YAE1: variants seen among roughly 807,000 people sequenced by gnomAD.
The protein encoded by YAE1 is YAE1 maturation factor of ABCE1.
Under a neutral mutation model 23.0 loss-of-function variants are expected in YAE1, and 22 were observed. The observed-to-expected ratio is 0.96, with a 90% CI of 0.68 to 1.37. The LOEUF (loss-of-function observed/expected upper bound fraction) is 1.37. Among genes scored for constraint, YAE1 ranks in the 40% most tolerant of loss-of-function variants. The pLI is 0.00. For missense variants in YAE1, 260 were observed against 262.1 expected (o/e 0.99, Z 0.06); for synonymous variants, 101 against 97.0 (o/e 1.04, Z -0.24).
At chr7:39,590,716 C>T (rs1790890270) in intron 2 of YAE1, among the ~76,000 whole-genome samples, 1 of 152,192 alleles carries the variant, frequency 6.6e-6, no homozygotes. Context: ...CCACCCATCA[C>T]ATGAAGTCAG....
At chr7:39,588,229 G>A (rs185097612) in intron 2 of YAE1, among the ~76,000 whole-genome samples, 36 of 152,280 alleles carry the variant, frequency 2.4e-4, no homozygotes, top group Non-Finnish European at 4.4e-4. Flanking sequence ...AAGGAAAAAT[G>A]GGCCGGACGT....
At chr7:39,577,402 G>A (rs917609483), downstream of YAE1, among the ~76,000 whole-genome samples, 17 of 152,304 alleles carry the variant, frequency 1.1e-4, no homozygotes, top group South Asian at 4.1e-4. Flanking sequence ...TGGGCTGGCC[G>A]AGGCCGGAAC....
At chr7:39,599,101 G>A (rs1026681307) in intron 2 of YAE1, among the ~76,000 whole-genome samples, 2 of 151,846 alleles carry the variant, frequency 1.3e-5, no homozygotes, top group African/African-American at 2.4e-5. Flanking sequence ...CTGGCGAGGC[G>A]AGGTGGTGCA....
Position 39,592,516 on chromosome 7 carries a change from A to G in YAE1, c.252-17101A>G, listed in dbSNP as rs117709866. Among the ~76,000 whole-genome samples, 1,435 of 152,336 alleles carry G rather than the reference A, an allele frequency of 9.4e-3. 6 individuals carry two copies. Among genetic ancestry groups the G allele is most frequent in the Non-Finnish European group, 0.015 (1,020 of 68,024 alleles). ...ACCCATGGCAAACCCATTACAAATC[A>G]AAAATATCACAAGTCAAAAATGCAC... On this transcript the variant is annotated intron_variant, in intron 2 of 2. Coordinates refer to the YAE1 transcript ENST00000432096.
intron 1 of YAE1, 48 bp from the exon 2 acceptor site, chr7:39,570,458 C>T: frequency 6.3e-7 from 1 of 1,591,560 alleles, no homozygotes; most frequent in Non-Finnish European, 8.5e-7. Context: ...GAAAAGCCTA[C>T]ATGTATATAC....
intron 2 of YAE1, among the ~76,000 whole-genome samples, chr7:39,605,996 C>T (rs745988132): frequency 6.6e-6 from 1 of 151,508 alleles, no homozygotes; most frequent in Admixed American, 6.6e-5. Flanking sequence ...AAAATTGAAA[C>T]AGGTAAGCTA....
chr7:39,579,018 T>C (rs1268975652), intron 2 of YAE1, among the ~76,000 whole-genome samples: 1 of 152,182 alleles, frequency 6.6e-6, no homozygotes, highest in Admixed American at 6.5e-5. Context: ...ACCAAGATGT[T>C]AGTTTCTAGC....
downstream of YAE1, among the ~76,000 whole-genome samples, chr7:39,577,217 T>C (rs896225526): frequency 2.0e-5 from 3 of 152,240 alleles, no homozygotes; most frequent in Non-Finnish European, 4.4e-5. Context: ...TTCTAAAAAA[T>C]GTTTATCTTC....
chr7:39,577,151 C>A (rs369385639), downstream of YAE1, among the ~76,000 whole-genome samples: 3 of 152,222 alleles, frequency 2.0e-5, no homozygotes, highest in African/African-American at 7.2e-5. Flanking sequence ...CCGCCTTGGC[C>A]TCCCAAAGTG....
intron 2 of YAE1, among the ~76,000 whole-genome samples, chr7:39,586,176 C>CTTT (rs3038969): frequency 8.4e-5 from 12 of 142,642 alleles, no homozygotes; most frequent in African/African-American, 1.0e-4. Flanking sequence ...TTTTTTTCCT[C>CTTT]TTTTTTTTTT....
intron 2 of YAE1, among the ~76,000 whole-genome samples, chr7:39,606,046 A>AT (rs200478681): frequency 5.6e-4 from 82 of 146,524 alleles, no homozygotes; most frequent in East Asian, 4.6e-3. Flanking sequence ...ATGGTAAACA[A>AT]TTTTTTTTTT....
intron 2 of YAE1, among the ~76,000 whole-genome samples, chr7:39,585,507 T>C (rs1161410220): frequency 6.6e-6 from 1 of 152,130 alleles, no homozygotes; most frequent in East Asian, 1.9e-4. Flanking sequence ...AGCTGACACC[T>C]TGATCTTGGA....
chr7:39,570,258 CTG>C (rs1790545071), intron 1 of YAE1: 1 of 637,818 alleles, frequency 1.6e-6, no homozygotes, highest in Non-Finnish European at 2.6e-6. Flanking sequence ...TTTTTAAAAA[CTG>C]TGACTATCAG....
chr7:39,583,861 C>G (rs1790778250), intron 2 of YAE1, among the ~76,000 whole-genome samples: 2 of 152,120 alleles, frequency 1.3e-5, no homozygotes, highest in Admixed American at 1.3e-4. Context: ...TCTGTCAGAC[C>G]TACCTCCTAG....
rs1302610063 is a variant in YAE1 at position 39,570,510 on chromosome 7, G to T, written c.134G>T (p.Gly45Val). The change falls in exon 2 of 3, where the codon GGT becomes GTT. Residue 45 changes from glycine (G) to valine (V), a missense_variant. By Grantham distance (109) the Gly-to-Val change is moderately radical. Transcript: ENST00000223273. ...QSNMQRRVKE[G>V]YRDGIDAGKA... Reference sequence around the variant, plus strand: ...TTCTCCATTACTTATTTTTAGGAAGGTTATAGAGATGGAATAGATGCTGGC... The same window carrying T: ...TTCTCCATTACTTATTTTTAGGAAGTTTATAGAGATGGAATAGATGCTGGC... 1.2e-6 allele frequency: 2 copies of T among 1,610,306 alleles called. No individual in the cohort carries two copies. Among genetic ancestry groups the T allele is most frequent in the East Asian group, 2.2e-5 (1 of 44,852 alleles).
chr7:39,589,992 A>C (rs910084204), intron 2 of YAE1, among the ~76,000 whole-genome samples: 1 of 152,378 alleles, frequency 6.6e-6, no homozygotes, highest in South Asian at 2.1e-4. Context: ...GACATGTGTC[A>C]TAATAAAATA....
chr7:39,593,142 T>G (rs1790923640), intron 2 of YAE1, among the ~76,000 whole-genome samples: 2 of 150,734 alleles, frequency 1.3e-5, no homozygotes, highest in Non-Finnish European at 3.0e-5. Flanking sequence ...TCAGATACTT[T>G]AATATCTAGC....
At chr7:39,590,835 A>G (rs945741907) in intron 2 of YAE1, among the ~76,000 whole-genome samples, 3 of 152,178 alleles carry the variant, frequency 2.0e-5, no homozygotes, top group Non-Finnish European at 4.4e-5. Flanking sequence ...CTGTAATAAT[A>G]TCTTACCTTG....
chr7:39,572,730 AAAT>A lies in YAE1; in HGVS notation c.*28_*30del. 6.5e-7 allele frequency: 1 copy of A among 1,541,828 alleles called. No homozygotes were observed. The highest frequency in any genetic ancestry group is 8.7e-7 in the Non-Finnish European group (1 of 1,150,776). On this transcript the variant is annotated 3_prime_UTR_variant, in exon 3 of 3. Transcript: ENST00000223273. ...AAAATTACCTTCCCTTTTCTAATGA[AAAT>A]AATGTTCAGAACATTTGGTTTCCTA...
Sources: gnomAD v4.1 joint callset for allele counts (sites outside exome capture counted in the v4.1 genomes callset) on GRCh38, gnomAD v4.1.1 for gene constraint, MANE v1.5 for transcripts, NCBI Gene and HGNC (gene_info 2026-07-23, HGNC 2026-07-21) for gene names.